CDH7: variants seen among roughly 807,000 people sequenced by gnomAD.
The protein encoded by CDH7 is cadherin-7.
CDH7 carries 25 observed loss-of-function variants against 71.8 expected under a neutral mutation model. That is an observed-to-expected ratio of 0.35 (90% CI 0.25 to 0.49). The LOEUF (loss-of-function observed/expected upper bound fraction) is 0.49, where lower values mean the gene tolerates loss of function less well. Among genes scored for constraint, CDH7 ranks in the 20% least tolerant of loss-of-function variants. The pLI is 0.99. For missense variants in CDH7, 862 were observed against 974.6 expected (o/e 0.88, Z 1.54); for synonymous variants, 381 against 363.8 (o/e 1.05, Z -0.54).
At chr18:65,796,212 C>A (rs1320947750) in intron 2 of CDH7, among the ~76,000 whole-genome samples, 1 of 152,004 alleles carries the variant, frequency 6.6e-6, no homozygotes, top group African/African-American at 2.4e-5. Context: ...CTAGTATACA[C>A]AAGAAAACAC....
At chr18:65,805,517 A>G (rs975958277) in intron 2 of CDH7, among the ~76,000 whole-genome samples, 1 of 152,230 alleles carries the variant, frequency 6.6e-6, no homozygotes, top group African/African-American at 2.4e-5. Flanking sequence ...TGAAAAGGCC[A>G]AAGAAGGAGG....
At chr18:65,800,675 T>A (rs187248626) in intron 2 of CDH7, among the ~76,000 whole-genome samples, 341 of 152,294 alleles carry the variant, frequency 2.2e-3, no homozygotes, top group African/African-American at 6.9e-3. Context: ...AATAAACTAT[T>A]CTATACTCTT....
chr18:65,828,899 ACT>A (rs1912230210), intron 6 of CDH7, among the ~76,000 whole-genome samples: 1 of 152,030 alleles, frequency 6.6e-6, no homozygotes, highest in Admixed American at 6.5e-5. Context: ...TCATATTCTA[ACT>A]CTTTCTATGA....
At chr18:65,799,510 T>C (rs767807313) in intron 2 of CDH7, among the ~76,000 whole-genome samples, 32 of 152,032 alleles carry the variant, frequency 2.1e-4, no homozygotes, top group Non-Finnish European at 3.7e-4. Flanking sequence ...ACCCCGTCTC[T>C]ACTAAAAACA....
At chr18:65,804,677 G>A (rs1296819007) in intron 2 of CDH7, among the ~76,000 whole-genome samples, 2 of 142,344 alleles carry the variant, frequency 1.4e-5, no homozygotes, top group East Asian at 4.4e-4. Context: ...ATGCAAGCAC[G>A]TTTCAACCCT....
At chr18:65,794,729 T>A (rs1300887239) in intron 2 of CDH7, among the ~76,000 whole-genome samples, 2 of 150,548 alleles carry the variant, frequency 1.3e-5, no homozygotes, top group African/African-American at 4.9e-5. Flanking sequence ...TGGGTGGGAG[T>A]GGAAATGGGC....
At chr18:65,852,924 G>T (rs960562855) in intron 7 of CDH7, among the ~76,000 whole-genome samples, 2 of 152,096 alleles carry the variant, frequency 1.3e-5, no homozygotes, top group Admixed American at 6.6e-5. Context: ...TGGGGAAAAG[G>T]TTGATGAATT....
intron 7 of CDH7, among the ~76,000 whole-genome samples, chr18:65,855,350 AG>A (rs1038916365): frequency 9.6e-6 from 1 of 104,620 alleles, no homozygotes; most frequent in African/African-American, 2.5e-5. Context: ...ACATTGACAA[AG>A]GAAAAAAAAA....
intron 11 of CDH7, among the ~76,000 whole-genome samples, chr18:65,864,856 A>C (rs1226979832): frequency 6.9e-6 from 1 of 145,146 alleles, no homozygotes; most frequent in Non-Finnish European, 1.5e-5. Flanking sequence ...ATGCCACTGC[A>C]CTCCAGCCTG....
intron 2 of CDH7, among the ~76,000 whole-genome samples, chr18:65,774,446 A>C (rs1916638069): frequency 6.6e-6 from 1 of 152,030 alleles, no homozygotes; most frequent in Non-Finnish European, 1.5e-5. Context: ...CCTTCCCTTC[A>C]GATCTTCCAC....
chr18:65,782,356 G>A (rs992005822), intron 2 of CDH7, among the ~76,000 whole-genome samples: 2 of 151,750 alleles, frequency 1.3e-5, no homozygotes, highest in South Asian at 2.1e-4. Context: ...TAGTAGAGAC[G>A]GGGTTTTGCC....
At chr18:65,807,909 A>G (rs1050400052) in intron 2 of CDH7, among the ~76,000 whole-genome samples, 10 of 152,144 alleles carry the variant, frequency 6.6e-5, no homozygotes, top group African/African-American at 2.4e-4. Flanking sequence ...TCCCCTTTGC[A>G]TCAGCTCTTG....
chr18:65,764,979 T>C (rs917572341), intron 2 of CDH7, among the ~76,000 whole-genome samples: 1 of 152,084 alleles, frequency 6.6e-6, no homozygotes, highest in African/African-American at 2.4e-5. Flanking sequence ...AAAGGTGTTA[T>C]TTTTCTAAGA....
intron 2 of CDH7, among the ~76,000 whole-genome samples, chr18:65,772,417 A>G (rs544129014): frequency 6.6e-6 from 1 of 152,176 alleles, no homozygotes; most frequent in African/African-American, 2.4e-5. Context: ...AGTTTACATA[A>G]ATTTCTCAAC....
At chr18:65,850,880 T>C (rs1913127543) in intron 7 of CDH7, among the ~76,000 whole-genome samples, 1 of 149,092 alleles carries the variant, frequency 6.7e-6, no homozygotes, top group African/African-American at 2.4e-5. Context: ...GGCACAATCA[T>C]GGCTCACTGC....
chr18:65,803,141 C>G (rs1270659632), intron 2 of CDH7: 1 of 151,986 alleles, frequency 6.6e-6, no homozygotes, highest in African/African-American at 2.4e-5. Flanking sequence ...GATGAATAAA[C>G]TGGGACCCAA....
At position 65,754,555 on chromosome 18, in the gene CDH7, G is replaced by A. The variant is rs556223037; in HGVS notation, c.-197+3405G>A. Among the ~76,000 whole-genome samples the A allele has an allele frequency of 1.2e-4, 19 of 152,226 alleles. No individual in the cohort carries two copies. In the East Asian group the frequency reaches 3.5e-3, roughly 28 times the overall value. On this transcript the variant is annotated intron_variant, in intron 1 of 11. Transcript: ENST00000397968. Reference sequence around the variant, plus strand: ...CGAATGTGATGTTAAACTTTAAATGGTATACAGATGAAACAAATTAATGTT... The same window carrying A: ...CGAATGTGATGTTAAACTTTAAATGATATACAGATGAAACAAATTAATGTT...
rs1599044862 is a variant in CDH7 at position 65,843,932 on chromosome 18, G to A, written c.1102G>A (p.Val368Met). Residue 368 changes from valine (V) to methionine (M), a missense_variant, in exon 7 of 12, where the codon GTG (valine) becomes ATG (methionine). By Grantham distance (21) the Val-to-Met change is conservative. Transcript: ENST00000397968. ...FSDTTTVKII[V>M]EDVDEPPVFS... ...TGACACGACAACTGTGAAGATAATTGTGGAAGATGTAGATGAGCCCCCTGT... is the reference window on the plus strand; with the variant it reads ...TGACACGACAACTGTGAAGATAATTATGGAAGATGTAGATGAGCCCCCTGT... 11 of 1,611,008 alleles carry A rather than the reference G, an allele frequency of 6.8e-6. No homozygotes were observed. Among genetic ancestry groups the A allele is most frequent in the Non-Finnish European group, 9.3e-6 (11 of 1,178,172 alleles).
chr18:65,860,887 G>A (rs1913540509), intron 10 of CDH7, among the ~76,000 whole-genome samples: 1 of 152,072 alleles, frequency 6.6e-6, no homozygotes, highest in African/African-American at 2.4e-5. Flanking sequence ...CCTACTCAAT[G>A]AGAATACTAT....
Sources: gnomAD v4.1 joint callset for allele counts (sites outside exome capture counted in the v4.1 genomes callset) on GRCh38, gnomAD v4.1.1 for gene constraint, MANE v1.5 for transcripts, NCBI Gene and HGNC (gene_info 2026-07-23, HGNC 2026-07-21) for gene names.